PIBF1: variants seen among roughly 807,000 people sequenced by gnomAD.
PIBF1 encodes the protein progesterone immunomodulatory binding factor 1, also known as progesterone-induced-blocking factor 1.
Under a neutral mutation model 112.5 loss-of-function variants are expected in PIBF1, and 90 were observed. The observed-to-expected ratio is 0.80, with a 90% confidence interval of 0.67 to 0.95. PIBF1 has a LOEUF of 0.95. Ranked by LOEUF, PIBF1 falls within the 40% of genes least tolerant of loss-of-function variation. The pLI, the probability that PIBF1 is intolerant of heterozygous loss-of-function variation, is 0.00. For missense variants in PIBF1, 915 were observed against 852.3 expected (o/e 1.07, Z -0.92); for synonymous variants, 301 against 288.6 (o/e 1.04, Z -0.44).
At chr13:72,798,974 C>T (rs1022326656) in intron 5 of PIBF1, among the ~76,000 whole-genome samples, 1 of 152,120 alleles carries the variant, frequency 6.6e-6, no homozygotes, top group African/African-American at 2.4e-5. Flanking sequence ...AGCATTAACC[C>T]CAGTGGTGTG....
intron 9 of PIBF1, among the ~76,000 whole-genome samples, chr13:72,841,086 G>A (rs1232635912): frequency 6.6e-6 from 1 of 152,210 alleles, no homozygotes; most frequent in South Asian, 2.1e-4. Context: ...AATTATAAAT[G>A]AAGAGAGAAC....
At chr13:72,883,848 CT>C (rs1254430284) in intron 10 of PIBF1, among the ~76,000 whole-genome samples, 1 of 152,180 alleles carries the variant, frequency 6.6e-6, no homozygotes, top group Non-Finnish European at 1.5e-5. Context: ...AATCCCAGCA[CT>C]TTGGGAGGCT....
chr13:72,986,971 G>C (rs927826186), intron 16 of PIBF1, among the ~76,000 whole-genome samples: 1 of 152,074 alleles, frequency 6.6e-6, no homozygotes, highest in African/African-American at 2.4e-5. Context: ...GATTACAGGC[G>C]TGAGCCACCG....
chr13:72,960,945 T>C (rs898944037), intron 14 of PIBF1, among the ~76,000 whole-genome samples: 8 of 151,834 alleles, frequency 5.3e-5, no homozygotes, highest in African/African-American at 1.9e-4. Flanking sequence ...CTATTCATGG[T>C]ATTTTTTTCT....
chr13:72,927,459 G>A (rs893849635), intron 13 of PIBF1, among the ~76,000 whole-genome samples: 2 of 151,936 alleles, frequency 1.3e-5, no homozygotes, highest in African/African-American at 2.4e-5. Context: ...AGCCGAGATC[G>A]CGTCACTGCA....
chr13:72,936,760 G>GT lies in PIBF1; in HGVS notation c.1833+5501dup, dbSNP rs201756852. ...CATTTTCAAAGTTGTTTAGCTGGGT[G>GT]TTTTTTTTGCATTTCTATATGAATT... is the stretch of plus-strand genomic sequence containing the variant. On this transcript the variant is annotated intron_variant, in intron 14 of 17. Transcript: ENST00000326291. 1.8e-3 allele frequency among the ~76,000 whole-genome samples: 273 copies of GT among 150,762 alleles called. 1 individual carries two copies. In the East Asian group the frequency reaches 0.024, roughly 13 times the overall value.
chr13:72,844,772 C>CTGTTT (rs1217568462), intron 9 of PIBF1, among the ~76,000 whole-genome samples: 7 of 115,140 alleles, frequency 6.1e-5, no homozygotes, highest in African/African-American at 1.7e-4. Flanking sequence ...CACACACACA[C>CTGTTT]ACACACACAC....
chr13:72,947,893 A>G (rs2138841915), intron 14 of PIBF1, among the ~76,000 whole-genome samples: 1 of 152,372 alleles, frequency 6.6e-6, no homozygotes, highest in African/African-American at 2.4e-5. Context: ...ACCATGGAAT[A>G]CTATGTAGCC....
chr13:72,863,501 A>C (rs1239652903), intron 10 of PIBF1, among the ~76,000 whole-genome samples: 1 of 151,756 alleles, frequency 6.6e-6, no homozygotes, highest in Admixed American at 6.6e-5. Context: ...AATGAAAAAA[A>C]AAAAAAATTA....
chr13:73,000,644 G>A (rs1486356957), intron 17 of PIBF1, among the ~76,000 whole-genome samples: 2 of 152,158 alleles, frequency 1.3e-5, no homozygotes, highest in Non-Finnish European at 2.9e-5. Flanking sequence ...AAAACCACAA[G>A]ATACAGCTGA....
At chr13:72,850,563 T>A (rs986237249) in intron 9 of PIBF1, among the ~76,000 whole-genome samples, 35 of 152,226 alleles carry the variant, frequency 2.3e-4, no homozygotes, top group African/African-American at 8.0e-4. Context: ...GGACTGAAGC[T>A]TCTCCATCTA....
intron 10 of PIBF1, among the ~76,000 whole-genome samples, chr13:72,863,855 G>GTT (rs1249963560): frequency 1.3e-5 from 2 of 152,124 alleles, no homozygotes; most frequent in African/African-American, 4.8e-5. Context: ...TTTCCAAGAG[G>GTT]GAAAGTGCTT....
At chr13:72,929,264 G>A (rs566129258) in intron 13 of PIBF1, among the ~76,000 whole-genome samples, 1 of 152,218 alleles carries the variant, frequency 6.6e-6, no homozygotes, top group Non-Finnish European at 1.5e-5. Flanking sequence ...AACGTATAAT[G>A]GAATCAACGG....
At chr13:72,971,842 A>G (rs2042899527) in intron 15 of PIBF1, among the ~76,000 whole-genome samples, 2 of 152,058 alleles carry the variant, frequency 1.3e-5, no homozygotes, top group Non-Finnish European at 2.9e-5. Flanking sequence ...CTCAGAGGAC[A>G]AACTATGATG....
At chr13:72,852,117 C>T (rs2038187478) in intron 9 of PIBF1, among the ~76,000 whole-genome samples, 1 of 152,180 alleles carries the variant, frequency 6.6e-6, no homozygotes. Context: ...AATGGTGGGA[C>T]TGAAAGAGCT....
intron 16 of PIBF1, among the ~76,000 whole-genome samples, chr13:72,988,807 C>T (rs546682320): frequency 1.6e-4 from 25 of 152,202 alleles, no homozygotes; most frequent in Non-Finnish European, 3.5e-4. Context: ...GAGGCTGAGG[C>T]GGGCAGATTG....
At chr13:72,942,995 T>G (rs2042052664) in intron 14 of PIBF1, among the ~76,000 whole-genome samples, 1 of 152,140 alleles carries the variant, frequency 6.6e-6, no homozygotes, top group Non-Finnish European at 1.5e-5. Flanking sequence ...AGCAAGACTC[T>G]GTCTCAAAAA....
intron 14 of PIBF1, among the ~76,000 whole-genome samples, chr13:72,938,585 T>C (rs2138805330): frequency 6.6e-6 from 1 of 152,356 alleles, no homozygotes; most frequent in East Asian, 1.9e-4. Context: ...TAACTACATT[T>C]TGTTTATCCA....
chr13:72,907,171 A>G (rs1323279831), intron 11 of PIBF1, among the ~76,000 whole-genome samples: 1 of 152,136 alleles, frequency 6.6e-6, no homozygotes, highest in Admixed American at 6.5e-5. Context: ...AGGAATGTAT[A>G]TGGAGAGTGA....
Sources: gnomAD v4.1 joint callset for allele counts (sites outside exome capture counted in the v4.1 genomes callset) on GRCh38, gnomAD v4.1.1 for gene constraint, MANE v1.5 for transcripts, NCBI Gene and HGNC (gene_info 2026-07-23, HGNC 2026-07-21) for gene names.